The following CRLF3 variants were observed in gnomAD, a reference collection of about 807,000 sequenced individuals.
CRLF3 encodes the protein cytokine receptor like factor 3, also known as cytokine receptor-like factor 3.
In CRLF3, 33 loss-of-function variants were observed where a neutral mutation model predicts 55.0. That is an observed-to-expected ratio of 0.60 (90% confidence interval 0.46 to 0.80). The LOEUF is 0.80. Ranked by LOEUF, CRLF3 falls within the 30% of genes least tolerant of loss-of-function variation. The probability of loss-of-function intolerance (pLI) is 0.00; values close to 1 mark genes in which losing one functional copy is unlikely to be tolerated. For missense variants in CRLF3, 494 were observed against 538.4 expected (o/e 0.92, Z 0.82); for synonymous variants, 238 against 196.8 (o/e 1.21, Z -1.75).
intron 7 of CRLF3, chr17:30,784,757 A>AT: frequency 4.5e-6 from 1 of 223,274 alleles, no homozygotes; most frequent in Non-Finnish European, 8.8e-6. Context: ...TCACCAACAC[A>AT]ATTTTTTTTT....
intron 1 of CRLF3, among the ~76,000 whole-genome samples, chr17:30,815,490 G>A (rs941002913): frequency 6.7e-6 from 1 of 150,354 alleles, no homozygotes; most frequent in Non-Finnish European, 1.5e-5. Flanking sequence ...CCAAAGTGCT[G>A]GTATTACAGG....
chr17:30,799,127 G>A (rs944517760), intron 2 of CRLF3, among the ~76,000 whole-genome samples: 1 of 151,938 alleles, frequency 6.6e-6, no homozygotes, highest in African/African-American at 2.4e-5. Flanking sequence ...CAAAAAATTT[G>A]CTGGGCGTGG....
chr17:30,783,633 AGTT>A lies in CRLF3; in HGVS notation c.*551_*553del, dbSNP rs1971556344. The A allele has an allele frequency of 2.0e-5, 3 of 152,286 alleles. No individual in the cohort carries two copies. In the South Asian group the frequency reaches 6.2e-4, roughly 32 times the overall value. 9.4% of individuals were successfully genotyped at this position (152,286 alleles called of 1,614,324 possible). A position where few individuals can be genotyped will look rare whatever the true frequency, so the allele number is the denominator to read the frequency against. ...ACTCCGTCTCAACAAAAAAAGAAAA[AGTT>A]ATAATGTTTTGGGGACTTAAAGATT... On this transcript the variant is annotated 3_prime_UTR_variant, in exon 8 of 8. Transcript: ENST00000324238.
chr17:30,797,297 A>T lies in CRLF3; in HGVS notation c.425+14T>A. On this transcript the variant is annotated intron_variant, in intron 3 of 7. Transcript: ENST00000324238. ...ATGCTTAAAAGTAAGTCAAAAAGGCACAAACTCTTTTACCTGTCCAACTGA... is the reference window on the plus strand; with the variant it reads ...ATGCTTAAAAGTAAGTCAAAAAGGCTCAAACTCTTTTACCTGTCCAACTGA... 1 of 1,596,350 alleles carries T rather than the reference A, an allele frequency of 6.3e-7. No individual in the cohort carries two copies. Among genetic ancestry groups the T allele is most frequent in the Non-Finnish European group, 8.6e-7 (1 of 1,163,812 alleles).
chr17:30,788,354 G>T (rs1301342622), intron 6 of CRLF3, among the ~76,000 whole-genome samples: 1 of 146,354 alleles, frequency 6.8e-6, no homozygotes, highest in African/African-American at 2.5e-5. Context: ...GAAAAGAAAA[G>T]AAAGAAGGAA....
chr17:30,811,324 G>A (rs1904611727), intron 1 of CRLF3, among the ~76,000 whole-genome samples: 1 of 151,608 alleles, frequency 6.6e-6, no homozygotes, highest in Admixed American at 6.6e-5. Context: ...GTTTGGTGGT[G>A]CCTGCCCGTA....
At chr17:30,809,352 T>C (rs1344566257) in intron 1 of CRLF3, among the ~76,000 whole-genome samples, 1 of 152,230 alleles carries the variant, frequency 6.6e-6, no homozygotes, top group Non-Finnish European at 1.5e-5. Context: ...CTTGAAATAT[T>C]TCATGATTTA....
Position 30,819,626 on chromosome 17 carries a change from C to A in CRLF3, c.129+4897G>T, listed in dbSNP as rs749335007. ...CTGAGTAGCTGGGACTACAGGTGCACGCTACCACACCTGGCTAATTTGTAT... is the reference window on the plus strand; with the variant it reads ...CTGAGTAGCTGGGACTACAGGTGCAAGCTACCACACCTGGCTAATTTGTAT... On this transcript the variant is annotated intron_variant, in intron 1 of 7. Transcript: ENST00000324238. 3.9e-5 allele frequency among the ~76,000 whole-genome samples: 6 copies of A among 152,040 alleles called. No homozygotes were observed. The East Asian group carries it at 7.7e-4, about 20-fold the overall frequency.
At chr17:30,787,477 C>T (rs1048682710) in intron 6 of CRLF3, 1 of 151,638 alleles carries the variant, frequency 6.6e-6, no homozygotes, top group Non-Finnish European at 1.5e-5. Flanking sequence ...AGGAAATGTA[C>T]AGATCCCTAT....
intron 7 of CRLF3, 48 bp downstream of exon 7, chr17:30,785,871 A>G: frequency 2.0e-6 from 2 of 999,524 alleles, no homozygotes; most frequent in Non-Finnish European, 3.1e-6. Flanking sequence ...ACATATTACT[A>G]AAATAATTAA....
chr17:30,800,607 TAAA>T (rs529272605), intron 2 of CRLF3, among the ~76,000 whole-genome samples: 1 of 141,864 alleles, frequency 7.0e-6, no homozygotes, highest in East Asian at 2.1e-4. Context: ...TTCTACTTCT[TAAA>T]AAAAAAAAAA....
At chr17:30,787,212 G>T (rs1234526420) in intron 6 of CRLF3, among the ~76,000 whole-genome samples, 1 of 152,176 alleles carries the variant, frequency 6.6e-6, no homozygotes, top group Admixed American at 6.5e-5. Context: ...CACATAGAAG[G>T]TTTGTCATAG....
At chr17:30,794,196 C>T (rs1971868444) in intron 4 of CRLF3, among the ~76,000 whole-genome samples, 1 of 152,116 alleles carries the variant, frequency 6.6e-6, no homozygotes, top group Non-Finnish European at 1.5e-5. Context: ...AAAAAGTCTG[C>T]CTCCTTTGAA....
In CRLF3 at chr17:30,784,420, C is replaced by T; in HGVS notation, c.1096G>A (p.Glu366Lys). Residue 366 changes from glutamate to lysine, a missense_variant, in exon 8 of 8, where the codon GAA becomes AAA. Glu to Lys is a moderately conservative substitution (Grantham distance 56). Transcript: ENST00000324238. ...TNGAVFVNGK[E>K]MTNQLPAVTS... Reference sequence around the variant, plus strand: ...ACTGCGGGTAACTGATTTGTCATTTCTTTTCCATTGACAAAAACTGCACCT... The same window carrying T: ...ACTGCGGGTAACTGATTTGTCATTTTTTTTCCATTGACAAAAACTGCACCT... The T allele has an allele frequency of 2.5e-6, 4 of 1,612,784 alleles. No homozygotes were observed. The highest frequency in any genetic ancestry group is 3.4e-6 in the Non-Finnish European group (4 of 1,178,932).
At chr17:30,793,184 G>T (rs183437135) in intron 5 of CRLF3, among the ~76,000 whole-genome samples, 16 of 151,880 alleles carry the variant, frequency 1.1e-4, no homozygotes, top group Admixed American at 8.5e-4. Context: ...AGAATAAAAA[G>T]GAATATCAGT....
chr17:30,788,442 A>AGG (rs990294370), intron 6 of CRLF3, among the ~76,000 whole-genome samples: 1 of 151,848 alleles, frequency 6.6e-6, no homozygotes, highest in African/African-American at 2.4e-5. Flanking sequence ...GAGACCTGGA[A>AGG]GGAGGGGGTT....
intron 7 of CRLF3, 82 bp from the exon 8 acceptor site, chr17:30,784,525 A>C: frequency 8.3e-7 from 1 of 1,209,834 alleles, no homozygotes; most frequent in South Asian, 1.4e-5. Context: ...CTGGTAACAC[A>C]GCTCATTTCC....
chr17:30,823,589 C>T (rs1322553855), intron 1 of CRLF3, among the ~76,000 whole-genome samples: 1 of 151,234 alleles, frequency 6.6e-6, no homozygotes, highest in Non-Finnish European at 1.5e-5. Context: ...TGGAATCCCA[C>T]TCACTCAAAA....
chr17:30,796,783 GT>G (rs1370158110), intron 3 of CRLF3, among the ~76,000 whole-genome samples: 1 of 150,858 alleles, frequency 6.6e-6, no homozygotes, highest in African/African-American at 2.4e-5. Flanking sequence ...GAGTGCTGTG[GT>G]GCGATCTCAG....
Sources: gnomAD v4.1 joint callset for allele counts (sites outside exome capture counted in the v4.1 genomes callset) on GRCh38, gnomAD v4.1.1 for gene constraint, MANE v1.5 for transcripts, NCBI Gene and HGNC (gene_info 2026-07-23, HGNC 2026-07-21) for gene names.